Variants in NTN1 observed in about 807,000 individuals in gnomAD.
NTN1 encodes netrin-1.
NTN1 carries 11 observed loss-of-function variants against 54.2 expected under a neutral mutation model. The ratio of observed to expected loss-of-function variants is 0.20; its 90% CI spans 0.13 to 0.34. The LOEUF (loss-of-function observed/expected upper bound fraction) is 0.34. Among genes scored for constraint, NTN1 ranks in the 10% least tolerant of loss-of-function variants. The pLI is 1.00. For synonymous variants in NTN1, 371 were observed against 382.0 expected, an observed-to-expected ratio of 0.97 and a Z score of 0.33; for missense variants, 740 against 893.1, an observed-to-expected ratio of 0.83 and a Z score of 2.18.
rs1243779110 is a variant in NTN1, at chr17:9,219,357, G to T, written c.1412-1811G>T. Among the ~76,000 whole-genome samples, 6 of 152,192 alleles carry T rather than the reference G, an allele frequency of 3.9e-5. No homozygotes were observed. The highest frequency in any genetic ancestry group is 7.3e-5 in the Non-Finnish European group (5 of 68,036). ...GCTATCCAGATGGCAGGAGGGATGGGGACTGTGGCCACCAGTGCCATGGAG... is the reference window on the plus strand; with the variant it reads ...GCTATCCAGATGGCAGGAGGGATGGTGACTGTGGCCACCAGTGCCATGGAG... On this transcript the variant is annotated intron_variant, in intron 5 of 6. Transcript: ENST00000173229. The surrounding 1 kb of genome is among the most constrained non-coding windows in gnomAD (Gnocchi z 4.5).
intron 2 of NTN1, among the ~76,000 whole-genome samples, chr17:9,083,579 T>G (rs1033614931): frequency 6.6e-6 from 1 of 152,176 alleles, no homozygotes; most frequent in Non-Finnish European, 1.5e-5. Flanking sequence ...ACCTAGCTCT[T>G]CTGTGGGGGA....
chr17:9,242,602 T>C lies in NTN1; in HGVS notation c.*2634T>C, dbSNP rs771440884. ...GGCATCTTGCGGAAAATTCAGCCAG[T>C]GTCCTGCCCCTCCCTTCGGCTCAGC... On this transcript the variant is annotated 3_prime_UTR_variant, in exon 7 of 7. Coordinates refer to ENST00000173229, the MANE Select transcript of NTN1 (RefSeq NM_004822.3). 1 of 152,286 alleles carries C rather than the reference T, an allele frequency of 6.6e-6. No homozygotes were observed. Among genetic ancestry groups the C allele is most frequent in the East Asian group, 1.9e-4 (1 of 5,188 alleles). The allele number at this position is 152,286 out of a possible 1,614,324, so 9.4% of individuals were successfully genotyped here. A position where few individuals can be genotyped will look rare whatever the true frequency, so the allele number is the denominator to read the frequency against.
At chr17:9,146,037 A>G (rs2092312389) in intron 2 of NTN1, among the ~76,000 whole-genome samples, 1 of 152,110 alleles carries the variant, frequency 6.6e-6, no homozygotes, top group Admixed American at 6.5e-5. Context: ...TGAAGTCACA[A>G]GTTGGGCAGC....
chr17:9,110,931 C>CTTTTTTT (rs34319949), intron 2 of NTN1, among the ~76,000 whole-genome samples: 10 of 104,352 alleles, frequency 9.6e-5, no homozygotes, highest in Non-Finnish European at 1.1e-4. Flanking sequence ...AATTCAGGAT[C>CTTTTTTT]TTTTTTTTTT....
At chr17:9,061,004 G>A (rs1460431571) in intron 2 of NTN1, among the ~76,000 whole-genome samples, 10 of 146,682 alleles carry the variant, frequency 6.8e-5, no homozygotes, top group African/African-American at 2.5e-4. Context: ...AGGCAACAAA[G>A]GTTTAGGATG....
intron 5 of NTN1, among the ~76,000 whole-genome samples, chr17:9,204,981 G>T (rs922249760): frequency 1.3e-5 from 2 of 151,508 alleles, no homozygotes; most frequent in Non-Finnish European, 2.9e-5. Flanking sequence ...TTCAAAATAG[G>T]AACTCCAGGT....
chr17:9,122,547 C>T (rs2092234620), intron 2 of NTN1, among the ~76,000 whole-genome samples: 1 of 152,172 alleles, frequency 6.6e-6, no homozygotes. Context: ...AAACACCAAG[C>T]AGTGGTTGGG....
chr17:9,049,488 G>A (rs1455058770), intron 2 of NTN1, among the ~76,000 whole-genome samples: 1 of 152,174 alleles, frequency 6.6e-6, no homozygotes, highest in Non-Finnish European at 1.5e-5. Flanking sequence ...GTGACATCAT[G>A]TGCCACCTGA....
rs16958040 is a variant in NTN1 at position 9,207,397 on chromosome 17, A to T, written c.1412-13771A>T. 5.0e-3 allele frequency among the ~76,000 whole-genome samples: 755 copies of T among 152,314 alleles called. 7 individuals carry two copies. The highest frequency in any genetic ancestry group is 0.017 in the African/African-American group (718 of 41,552). The stretch of plus-strand genomic sequence containing the variant: ...ATTGCTTTTCTGCCATGGCTCCTAA[A>T]CTAGAGTAAAGATAATGAGAGCCAA... On this transcript the variant is annotated intron_variant, in intron 5 of 6. Transcript: ENST00000173229.
At chr17:9,158,610 G>C (rs2092349717) in intron 2 of NTN1, among the ~76,000 whole-genome samples, 1 of 152,222 alleles carries the variant, frequency 6.6e-6, no homozygotes, top group Non-Finnish European at 1.5e-5. Flanking sequence ...GGAGCCAGAA[G>C]GGTAGGGTTC....
intron 5 of NTN1, among the ~76,000 whole-genome samples, chr17:9,214,367 C>T (rs1219069604): frequency 6.6e-6 from 1 of 152,128 alleles, no homozygotes; most frequent in Non-Finnish European, 1.5e-5. Flanking sequence ...TATTCTACGT[C>T]AAAAAATCCT....
intron 6 of NTN1, among the ~76,000 whole-genome samples, chr17:9,238,941 C>G (rs192044551): frequency 6.6e-6 from 1 of 152,198 alleles, no homozygotes; most frequent in East Asian, 1.9e-4. Context: ...GATGCATGCT[C>G]CATTTGGGGA....
chr17:9,010,585 AGAC>A, the NTN1 span, among the ~76,000 whole-genome samples: 1 of 152,238 alleles, frequency 6.6e-6, no homozygotes, highest in Non-Finnish European at 1.5e-5. Flanking sequence ...GATTTGAAGA[AGAC>A]TCTTAATTCT....
In NTN1 at chr17:9,128,112, G is replaced by A. The variant is rs59778979; in HGVS notation, c.1019-34701G>A. On this transcript the variant is annotated intron_variant, in intron 2 of 6. Transcript: ENST00000173229. ...AGCCTGGGTGACAGAGCAAGACTCC[G>A]TCTCGAAAAATAAATAAATAAATAA... is the stretch of plus-strand genomic sequence containing the variant. 1.9e-3 allele frequency among the ~76,000 whole-genome samples: 285 copies of A among 149,958 alleles called. 4 individuals are homozygous for A. Among genetic ancestry groups the A allele is most frequent in the African/African-American group, 6.3e-3 (254 of 40,472 alleles).
At chr17:9,039,421 G>GAA (rs1245229023) in intron 2 of NTN1, among the ~76,000 whole-genome samples, 1 of 152,206 alleles carries the variant, frequency 6.6e-6, no homozygotes, top group Admixed American at 6.5e-5. Flanking sequence ...TAGGATATCA[G>GAA]AAAAGTAGGT....
intron 2 of NTN1, among the ~76,000 whole-genome samples, chr17:9,067,943 G>A (rs950323980): frequency 2.0e-5 from 3 of 152,094 alleles, no homozygotes; most frequent in East Asian, 1.9e-4. Flanking sequence ...ATCATAAACC[G>A]GGCATGCTGG....
intron 2 of NTN1, among the ~76,000 whole-genome samples, chr17:9,157,017 C>G (rs146036107): frequency 7.0e-6 from 1 of 143,634 alleles, no homozygotes; most frequent in East Asian, 2.4e-4. Flanking sequence ...CTCTCTCCAT[C>G]TATCCATCCG....
chr17:9,214,854 C>T (rs562176516), intron 5 of NTN1, among the ~76,000 whole-genome samples: 2 of 152,288 alleles, frequency 1.3e-5, no homozygotes, highest in African/African-American at 4.8e-5. Flanking sequence ...GTTATATTCC[C>T]CTTAAACAGT....
chr17:9,062,836 C>T lies in NTN1; in HGVS notation c.1018+39445C>T, dbSNP rs114358511. Reference sequence around the variant, plus strand: ...GTCTGTAGGTGTCACAACGTCAGCTCGTAGTAGAAATGTAACAGCATTTGC... The same window carrying T: ...GTCTGTAGGTGTCACAACGTCAGCTTGTAGTAGAAATGTAACAGCATTTGC... On this transcript the variant is annotated intron_variant, in intron 2 of 6. Coordinates refer to ENST00000173229, the MANE Select transcript of NTN1 (RefSeq NM_004822.3). 6.9e-3 allele frequency among the ~76,000 whole-genome samples: 1,052 copies of T among 151,962 alleles called. 19 individuals carry two copies. The highest frequency in any genetic ancestry group is 0.024 in the African/African-American group (980 of 41,420).
Sources: gnomAD v4.1 joint callset for allele counts (sites outside exome capture counted in the v4.1 genomes callset) on GRCh38, gnomAD v4.1.1 for gene constraint, Gnocchi (gnomAD v3.1) non-coding constraint, MANE v1.5 for transcripts, NCBI Gene and HGNC (gene_info 2026-07-23, HGNC 2026-07-21) for gene names.